The following BIN1 variants were observed in gnomAD, a reference collection of about 807,000 sequenced individuals.
BIN1 encodes bridging integrator 1.
BIN1 carries 53 observed loss-of-function variants against 82.0 expected under a neutral mutation model. The observed-to-expected ratio is 0.65, with a 90% CI of 0.52 to 0.81. BIN1 has a LOEUF of 0.81. BIN1 is among the 40% of genes least tolerant of loss of function. The pLI, the probability that BIN1 is intolerant of heterozygous loss-of-function variation, is 0.00. For missense variants in BIN1, 642 were observed against 784.4 expected (o/e 0.82, Z 2.17); for synonymous variants, 302 against 328.0 (o/e 0.92, Z 0.86).
chr2:127,050,500 G>C lies in BIN1; in HGVS notation c.1595C>G (p.Thr532Arg), dbSNP rs112318500. The C allele has an allele frequency of 6.2e-7, 1 of 1,614,214 alleles. No individual in the cohort carries two copies. Among genetic ancestry groups the C allele is most frequent in the Non-Finnish European group, 8.5e-7 (1 of 1,180,036 alleles). The change falls in exon 18 of 19, where the codon ACG becomes AGG. Residue 532 changes from threonine to arginine, a missense_variant. Transcript: ENST00000316724. ...MFKVQAQHDYTATDTDELQLK... is the reference protein window; with the variant it reads ...MFKVQAQHDYRATDTDELQLK... The stretch of plus-strand genomic sequence containing the variant: ...CTGCAGCTCGTCTGTGTCAGTGGCC[G>C]TGTAGTCGTGCTGGGCCTGTACCTG...
chr2:127,103,948 C>A (rs1362597706), intron 1 of BIN1, among the ~76,000 whole-genome samples: 2 of 152,222 alleles, frequency 1.3e-5, no homozygotes, highest in Non-Finnish European at 1.5e-5. Flanking sequence ...GGGCCAGGAG[C>A]AATGGTGCCA....
intron 12 of BIN1, chr2:127,055,057 G>A (rs999634226): frequency 6.6e-5 from 10 of 152,280 alleles, no homozygotes; most frequent in East Asian, 1.9e-4. Flanking sequence ...GGACGTGGCC[G>A]GGGTGCTCCC....
At chr2:127,051,081 G>A in intron 16 of BIN1, 73 bp downstream of exon 16, 1 of 1,584,810 alleles carries the variant, frequency 6.3e-7, no homozygotes, top group South Asian at 1.1e-5. Context: ...ACCAGCAGGG[G>A]CCACAGGGGA....
At chr2:127,083,955 G>C (rs1410649364) in intron 1 of BIN1, among the ~76,000 whole-genome samples, 1 of 152,196 alleles carries the variant, frequency 6.6e-6, no homozygotes, top group Non-Finnish European at 1.5e-5. Flanking sequence ...GGTCTGAGTC[G>C]TGTTTGCCAG....
chr2:127,106,830 C>A (rs749665438), intron 1 of BIN1, 30 bp downstream of exon 1: 21 of 1,575,602 alleles, frequency 1.3e-5, no homozygotes, highest in Non-Finnish European at 1.7e-5. Flanking sequence ...GGCTGGGACT[C>A]CGCGGCTGCT....
intron 7 of BIN1, among the ~76,000 whole-genome samples, chr2:127,066,002 G>C (rs1236098535): frequency 6.6e-6 from 1 of 152,180 alleles, no homozygotes; most frequent in African/African-American, 2.4e-5. Context: ...CCGGGGTCCC[G>C]AGGACAGCAT....
intron 1 of BIN1, among the ~76,000 whole-genome samples, chr2:127,104,224 A>G (rs1456478068): frequency 3.3e-5 from 5 of 152,214 alleles, no homozygotes. Flanking sequence ...AACATTCACT[A>G]AGCACCGACT....
intron 1 of BIN1, among the ~76,000 whole-genome samples, chr2:127,086,512 T>C (rs1252925659): frequency 3.0e-5 from 4 of 132,554 alleles, no homozygotes; most frequent in African/African-American, 5.6e-5. Flanking sequence ...TCTTTTTTTC[T>C]TTTTTTTTTT....
Position 127,059,749 on chromosome 2 carries a change from A to C in BIN1, c.858-594T>G, listed in dbSNP as rs1406757122. On this transcript the variant is annotated intron_variant, in intron 10 of 18. Coordinates refer to ENST00000316724, the MANE Select transcript of BIN1 (RefSeq NM_139343.3). This position sits in a 1 kb window ranked among gnomAD's most constrained non-coding sequence, Gnocchi z 6.7. The stretch of plus-strand genomic sequence containing the variant: ...AAGAGAGGCGTCCTCATCACAGAGG[A>C]GTGGGCAGCTGGCGATGGAGGGGAC... Among the ~76,000 whole-genome samples the C allele has an allele frequency of 6.6e-5, 10 of 152,234 alleles. No individual in the cohort carries two copies. The East Asian group carries it at 1.7e-3, about 26-fold the overall frequency.
intron 1 of BIN1, among the ~76,000 whole-genome samples, chr2:127,103,448 C>T (rs892972357): frequency 6.6e-6 from 1 of 152,162 alleles, no homozygotes; most frequent in Non-Finnish European, 1.5e-5. Context: ...CAACCCTGGG[C>T]CCTCCCTCTG....
Position 127,090,529 on chromosome 2 carries a change from C to T in BIN1, c.85-13823G>A, listed in dbSNP as rs1678786027. 6.6e-6 allele frequency among the ~76,000 whole-genome samples: 1 copy of T among 152,252 alleles called. No individual in the cohort carries two copies. Among genetic ancestry groups the T allele is most frequent in the African/African-American group, 2.4e-5 (1 of 41,462 alleles). On this transcript the variant is annotated intron_variant, in intron 1 of 18. Transcript: ENST00000316724. The surrounding 1 kb of genome is among the most constrained non-coding windows in gnomAD (Gnocchi z 6.4). ...CCTCCACACAAGTGCGGGTGCTATT[C>T]TCAGCCCAGCTCCAGGACACTGGCC...
chr2:127,064,077 G>A (rs1159644836), intron 7 of BIN1, 59 bp from the exon 8 acceptor site: 1 of 1,598,424 alleles, frequency 6.3e-7, no homozygotes, highest in Non-Finnish European at 8.6e-7. Context: ...CCAGCCCCAT[G>A]GCCAGTCCTC....
At chr2:127,058,962 A>T (rs776877942) in intron 11 of BIN1, 49 bp downstream of exon 11, 3 of 1,549,738 alleles carry the variant, frequency 1.9e-6, no homozygotes, top group Non-Finnish European at 2.6e-6. Context: ...GCAAAGCCGG[A>T]GGAGAAGGAG....
At position 127,064,032 on chromosome 2, in the gene BIN1, C is replaced by T. The variant is rs770168243; in HGVS notation, c.613-14G>A. 52 of 1,613,614 alleles carry T rather than the reference C, an allele frequency of 3.2e-5. No individual in the cohort carries two copies. Among genetic ancestry groups the T allele is most frequent in the Non-Finnish European group, 4.1e-5 (48 of 1,179,972 alleles). ...CTCCTCCTCGGCCTGGGGGGCAGCA[C>T]GGGTCATTCCCCTCTGTTGGGCGTC... is the stretch of plus-strand genomic sequence containing the variant. On this transcript the variant is annotated splice_polypyrimidine_tract_variant and intron_variant, in intron 7 of 18. Coordinates refer to ENST00000316724, the MANE Select transcript of BIN1 (RefSeq NM_139343.3).
chr2:127,091,160 G>A (rs763827527), intron 1 of BIN1, among the ~76,000 whole-genome samples: 2 of 152,094 alleles, frequency 1.3e-5, no homozygotes, highest in African/African-American at 2.4e-5. Flanking sequence ...CTATTCAAAG[G>A]AGTGAATGCC....
chr2:127,086,544 G>C (rs1282801905), intron 1 of BIN1, among the ~76,000 whole-genome samples: 3 of 143,954 alleles, frequency 2.1e-5, no homozygotes, highest in Non-Finnish European at 4.5e-5. Flanking sequence ...ATCTCGCTCT[G>C]TTGCCCAGGC....
rs561095507 is a variant in BIN1, at chr2:127,050,615, G to C, written c.1573-93C>G. On this transcript the variant is annotated intron_variant, in intron 17 of 18. Transcript: ENST00000316724. The stretch of plus-strand genomic sequence containing the variant: ...TTGCGTGTGGGAGGTGCAGGTGGCA[G>C]TATGGAGACCAGGAGTGCTCAAAAG... 336 of 1,449,480 alleles carry C rather than the reference G, an allele frequency of 2.3e-4. 1 individual carries two copies. The highest frequency in any genetic ancestry group is 3.2e-4 in the Non-Finnish European group (332 of 1,038,866). The allele number at this position is 1,449,480 out of a possible 1,614,324, so 89.8% of individuals were successfully genotyped here. A position where few individuals can be genotyped will look rare whatever the true frequency, so the allele number is the denominator to read the frequency against.
At position 127,090,164 on chromosome 2, in the gene BIN1, A is replaced by G. The variant is rs1678733594; in HGVS notation, c.85-13458T>C. On this transcript the variant is annotated intron_variant, in intron 1 of 18. Transcript: ENST00000316724. This position sits in a 1 kb window ranked among gnomAD's most constrained non-coding sequence, Gnocchi z 6.4. ...CCTCCTTGCCTGCAGCTCTGCAAGG[A>G]CCCTGCAAGCCACCCCATTACGCTG... 6.6e-6 allele frequency among the ~76,000 whole-genome samples: 1 copy of G among 152,028 alleles called. No homozygotes were observed. The highest frequency in any genetic ancestry group is 1.5e-5 in the Non-Finnish European group (1 of 68,000).
At chr2:127,094,606 G>A (rs969324674) in intron 1 of BIN1, among the ~76,000 whole-genome samples, 3 of 152,224 alleles carry the variant, frequency 2.0e-5, no homozygotes, top group Non-Finnish European at 2.9e-5. Flanking sequence ...GGAGTGGCGC[G>A]GAGCCGACTG....
Sources: gnomAD v4.1 joint callset for allele counts (sites outside exome capture counted in the v4.1 genomes callset) on GRCh38, gnomAD v4.1.1 for gene constraint, Gnocchi (gnomAD v3.1) non-coding constraint, MANE v1.5 for transcripts, NCBI Gene and HGNC (gene_info 2026-07-23, HGNC 2026-07-21) for gene names.